Variants in ANKRD66 observed in about 807,000 individuals in gnomAD.
ANKRD66 encodes the protein ankyrin repeat domain-containing protein 66.
In ANKRD66, 10 loss-of-function variants were observed where a neutral mutation model predicts 10.9. The observed-to-expected ratio is 0.91, with a 90% CI of 0.56 to 1.55. ANKRD66 has a LOEUF of 1.55. Among genes scored for constraint, ANKRD66 ranks in the 40% most tolerant of loss-of-function variants. The pLI, the probability that ANKRD66 is intolerant of heterozygous loss-of-function variation, is 0.00. For synonymous variants in ANKRD66, 85 were observed against 88.4 expected, an observed-to-expected ratio of 0.96 and a Z score of 0.22; for missense variants, 252 against 242.9, an observed-to-expected ratio of 1.04 and a Z score of -0.25.
intron 4 of ANKRD66, chr6:46,757,818 C>T (rs1766411353): frequency 6.6e-6 from 1 of 152,166 alleles, no homozygotes; most frequent in African/African-American, 2.4e-5. Flanking sequence ...ACACTAAAAA[C>T]AACCTAAAAT....
intron 2 of ANKRD66, among the ~76,000 whole-genome samples, chr6:46,751,509 A>G (rs1766267643): frequency 6.6e-6 from 1 of 152,158 alleles, no homozygotes. Context: ...TTGCAAATTG[A>G]CATTTATCCT....
chr6:46,749,834 G>C, intron 1 of ANKRD66, 62 bp from the exon 2 acceptor site: 1 of 1,504,138 alleles, frequency 6.6e-7, no homozygotes, highest in South Asian at 1.3e-5. Context: ...CTTTCTCTCT[G>C]TCCTCTGGGC....
intron 1 of ANKRD66, among the ~76,000 whole-genome samples, chr6:46,748,771 A>G (rs143576511): frequency 7.2e-4 from 110 of 152,274 alleles, no homozygotes; most frequent in Middle Eastern, 3.4e-3. Flanking sequence ...AACAGCTGCC[A>G]CATCCTTACT....
At chr6:46,753,660 C>A (rs942085578) in intron 3 of ANKRD66, 62 bp from the exon 4 acceptor site, 3 of 1,456,946 alleles carry the variant, frequency 2.1e-6, no homozygotes, top group Non-Finnish European at 2.7e-6. Context: ...CTGGCCCTGG[C>A]CTCAAGCCAC....
At chr6:46,748,862 G>A (rs1766200876) in intron 1 of ANKRD66, among the ~76,000 whole-genome samples, 1 of 152,172 alleles carries the variant, frequency 6.6e-6, no homozygotes, top group Admixed American at 6.5e-5. Flanking sequence ...CTCAGAGTGT[G>A]GTAAGTGAGC....
intron 4 of ANKRD66, chr6:46,756,352 A>G (rs766334514): frequency 6.3e-6 from 1 of 159,980 alleles, no homozygotes; most frequent in Non-Finnish European, 1.4e-5. Flanking sequence ...TTTGGAATGT[A>G]ATAGATTTTC....
intron 4 of ANKRD66, chr6:46,757,359 G>T (rs1369966129): frequency 2.0e-5 from 3 of 152,222 alleles, no homozygotes; most frequent in Admixed American, 2.0e-4. Context: ...GGGATGAGTG[G>T]CCTGGCTAGG....
At chr6:46,749,073 A>AT (rs1368745998) in intron 1 of ANKRD66, among the ~76,000 whole-genome samples, 1 of 152,160 alleles carries the variant, frequency 6.6e-6, no homozygotes, top group Non-Finnish European at 1.5e-5. Context: ...CCTCCATGGG[A>AT]TAGCACAGTG....
chr6:46,754,494 A>G (rs1766333029), intron 4 of ANKRD66, among the ~76,000 whole-genome samples: 1 of 152,238 alleles, frequency 6.6e-6, no homozygotes, highest in African/African-American at 2.4e-5. Flanking sequence ...TTAAGCACCA[A>G]TAATTTGCAT....
At position 46,746,961 on chromosome 6, in the gene ANKRD66, C is replaced by G; in HGVS notation, c.-126C>G. The G allele has an allele frequency of 1.3e-6, 2 of 1,535,544 alleles. No individual in the cohort carries two copies. The highest frequency in any genetic ancestry group is 1.2e-5 in the South Asian group (1 of 84,052). ...CCGGATGGTTAGGACTGCCTGTCAG[C>G]ACAGAGCTCCTCAAATTTCACACAA... On this transcript the variant is annotated 5_prime_UTR_variant, in exon 1 of 5. Coordinates refer to ENST00000565422, the MANE Select transcript of ANKRD66 (RefSeq NM_001162435.3).
chr6:46,749,835 T>C, intron 1 of ANKRD66, 61 bp from the exon 2 acceptor site: 3 of 1,508,098 alleles, frequency 2.0e-6, no homozygotes, highest in Non-Finnish European at 2.7e-6. Flanking sequence ...TTTCTCTCTG[T>C]CCTCTGGGCA....
chr6:46,752,637 T>G (rs1231848785), intron 3 of ANKRD66, among the ~76,000 whole-genome samples: 1 of 152,228 alleles, frequency 6.6e-6, no homozygotes, highest in Non-Finnish European at 1.5e-5. Flanking sequence ...AAATAACGTG[T>G]GCAGGAATGC....
At chr6:46,758,495 T>C in intron 4 of ANKRD66, 1 of 399,308 alleles carries the variant, frequency 2.5e-6, no homozygotes, top group Non-Finnish European at 4.4e-6. Flanking sequence ...TGAGTGACTA[T>C]CTTTGAGTCT....
chr6:46,759,166 C>G lies in ANKRD66; in HGVS notation c.*245C>G. The G allele has an allele frequency of 3.0e-6, 1 of 330,032 alleles. No homozygotes were observed. The highest frequency in any genetic ancestry group is 4.7e-5 in the Admixed American group (1 of 21,452). 20.4% of individuals were successfully genotyped at this position (330,032 alleles called of 1,614,324 possible). On this transcript the variant is annotated 3_prime_UTR_variant, in exon 5 of 5. Coordinates refer to ENST00000565422, the MANE Select transcript of ANKRD66 (RefSeq NM_001162435.3). ...TGTCATCAGTGGTTTGCACAGTCAGCATCTTTTGACCCCTGCCCCCCAACA... is the reference window on the plus strand; with the variant it reads ...TGTCATCAGTGGTTTGCACAGTCAGGATCTTTTGACCCCTGCCCCCCAACA...
At chr6:46,747,070 G>C (rs1205340769) in intron 1 of ANKRD66, 80 bp downstream of exon 1, 1 of 1,408,256 alleles carries the variant, frequency 7.1e-7, no homozygotes, top group Non-Finnish European at 9.7e-7. Context: ...GATATTTATT[G>C]ACTACTTTGC....
chr6:46,755,358 C>T (rs1438418515), intron 4 of ANKRD66, among the ~76,000 whole-genome samples: 1 of 152,196 alleles, frequency 6.6e-6, no homozygotes, highest in African/African-American at 2.4e-5. Context: ...GCTATCTCTT[C>T]CTATCCTACT....
chr6:46,757,796 T>A (rs182822947), intron 4 of ANKRD66: 2 of 152,352 alleles, frequency 1.3e-5, no homozygotes, highest in Admixed American at 1.3e-4. Flanking sequence ...TATGTGTATG[T>A]CATTGAGTTA....
intron 2 of ANKRD66, among the ~76,000 whole-genome samples, 179 bp from the exon 3 acceptor site, chr6:46,751,758 G>A (rs1404615997): frequency 1.3e-5 from 2 of 152,152 alleles, no homozygotes; most frequent in Non-Finnish European, 2.9e-5. Context: ...GTAGGTGACA[G>A]GCAGGCACTA....
At chr6:46,750,871 A>G (rs187522458) in intron 2 of ANKRD66, among the ~76,000 whole-genome samples, 46 of 152,102 alleles carry the variant, frequency 3.0e-4, no homozygotes, top group Admixed American at 7.2e-4. Context: ...TGCACTTTCT[A>G]TATGGTTTTA....
Sources: gnomAD v4.1 joint callset for allele counts (sites outside exome capture counted in the v4.1 genomes callset) on GRCh38, gnomAD v4.1.1 for gene constraint, MANE v1.5 for transcripts, NCBI Gene and HGNC (gene_info 2026-07-23, HGNC 2026-07-21) for gene names.